The following RPA1 variants were observed in gnomAD, a reference collection of about 807,000 sequenced individuals.
The protein encoded by RPA1 is replication protein A1.
In RPA1, 49 loss-of-function variants were observed where a neutral mutation model predicts 83.0. The ratio of observed to expected loss-of-function variants is 0.59; its 90% CI spans 0.47 to 0.75. The LOEUF is 0.75. Among genes scored for constraint, RPA1 ranks in the 30% least tolerant of loss-of-function variants. The pLI, the probability that RPA1 is intolerant of heterozygous loss-of-function variation, is 0.00. For missense variants in RPA1, 693 were observed against 776.1 expected, an observed-to-expected ratio of 0.89 and a Z score of 1.27; for synonymous variants, 279 against 281.8, an observed-to-expected ratio of 0.99 and a Z score of 0.10.
In RPA1 at chr17:1,897,077, T is replaced by G. The variant is rs1471623602; in HGVS notation, c.1753T>G (p.Ser585Ala). The change falls in exon 17 of 17, where the codon TCT (serine) becomes GCT (alanine). Residue 585 changes from serine (S) to alanine (A), a missense_variant. Physicochemically the swap from Ser to Ala is moderately conservative, Grantham distance 99. Transcript: ENST00000254719. ...RVKVETYNDE[S>A]RIKATVMDVK... The stretch of plus-strand genomic sequence containing the variant: ...TACTTCTCCCTTTTTGAAGGACGAG[T>G]CTCGAATTAAGGCCACTGTGATGGA... The G allele has an allele frequency of 1.9e-6, 3 of 1,569,274 alleles. No individual in the cohort carries two copies. In the Admixed American group the frequency reaches 5.6e-5, roughly 29 times the overall value.
At chr17:1,856,227 C>T (rs987838330) in intron 5 of RPA1, among the ~76,000 whole-genome samples, 2 of 151,346 alleles carry the variant, frequency 1.3e-5, no homozygotes, top group African/African-American at 4.9e-5. Context: ...TACCTGAGCC[C>T]GGGAGGTGGA....
In RPA1 at chr17:1,858,470, C is replaced by CTT. The variant is rs71375561; in HGVS notation, c.361+5291_361+5292dup. On this transcript the variant is annotated intron_variant, in intron 5 of 16. Coordinates refer to ENST00000254719, the MANE Select transcript of RPA1 (RefSeq NM_002945.5). ...ATCTTGGGTTCTGGTCTCTCTTTTTCTTTTTTTTTTTGAGACAGAGTCTTG... is the reference window on the plus strand; with the variant it reads ...ATCTTGGGTTCTGGTCTCTCTTTTTCTTTTTTTTTTTTTGAGACAGAGTCTTG... 5,345 of 959,668 alleles carry CTT rather than the reference C, an allele frequency of 5.6e-3. 3 individuals are homozygous for CTT. The highest frequency in any genetic ancestry group is 0.04 in the East Asian group (1,479 of 36,742). The allele number at this position is 959,668 out of a possible 1,614,324, so 59.4% of individuals were successfully genotyped here. A position where few individuals can be genotyped will look rare whatever the true frequency, so the allele number is the denominator to read the frequency against.
intron 7 of RPA1, among the ~76,000 whole-genome samples, chr17:1,876,167 T>A (rs1319953381): frequency 6.6e-6 from 1 of 152,252 alleles, no homozygotes; most frequent in Non-Finnish European, 1.5e-5. Context: ...ACTTCGTCTT[T>A]GGTTTAGTTG....
At position 1,877,647 on chromosome 17, in the gene RPA1, A is replaced by G. The variant is rs17338836; in HGVS notation, c.690+333A>G. On this transcript the variant is annotated intron_variant, in intron 8 of 16. Transcript: ENST00000254719. ...AAAGTAGTTTTCTAAATATATAAGTAGCCTCCTGGGCAGGAGAAGCTGGAA... is the reference window on the plus strand; with the variant it reads ...AAAGTAGTTTTCTAAATATATAAGTGGCCTCCTGGGCAGGAGAAGCTGGAA... Among the ~76,000 whole-genome samples the G allele has an allele frequency of 5.9e-3, 899 of 152,310 alleles. 11 individuals carry two copies. The highest frequency in any genetic ancestry group is 0.021 in the African/African-American group (856 of 41,570).
rs866380463 is a variant in RPA1, at chr17:1,855,381, G to T, written c.361+2192G>T. ...TGTGTGTGTGTTTAGTAGAGACAGGGTTTTGCCATGTTGGCCAGGCTGGTC... is the reference window on the plus strand; with the variant it reads ...TGTGTGTGTGTTTAGTAGAGACAGGTTTTTGCCATGTTGGCCAGGCTGGTC... On this transcript the variant is annotated intron_variant, in intron 5 of 16. Transcript: ENST00000254719. Among the ~76,000 whole-genome samples the T allele has an allele frequency of 5.0e-4, 76 of 151,674 alleles. 2 individuals are homozygous for T. Among genetic ancestry groups the T allele is most frequent in the African/African-American group, 1.7e-3 (72 of 41,354 alleles).
chr17:1,861,757 A>G (rs2151279274), intron 5 of RPA1, among the ~76,000 whole-genome samples: 1 of 150,552 alleles, frequency 6.6e-6, no homozygotes, highest in African/African-American at 2.4e-5. Flanking sequence ...AGAGTCTCAC[A>G]CTGTCACCCA....
At chr17:1,845,551 A>G (rs186343978) in intron 4 of RPA1, among the ~76,000 whole-genome samples, 1 of 152,076 alleles carries the variant, frequency 6.6e-6, no homozygotes, top group African/African-American at 2.4e-5. Flanking sequence ...AAATAAATTT[A>G]AAAAAAGAAT....
At chr17:1,883,163 AT>A (rs1044564827) in intron 12 of RPA1, among the ~76,000 whole-genome samples, 4 of 151,664 alleles carry the variant, frequency 2.6e-5, no homozygotes, top group South Asian at 2.1e-4. Flanking sequence ...TCTTAAAAAA[AT>A]TTTTTTTTCG....
chr17:1,831,894 C>T (rs575954751), intron 1 of RPA1, among the ~76,000 whole-genome samples: 1,595 of 138,604 alleles, frequency 0.012, 19 homozygotes, highest in Non-Finnish European at 0.018. Context: ...CCACTGTGCC[C>T]GGCCTTTTTT....
intron 5 of RPA1, chr17:1,858,339 G>A (rs1237817844): frequency 6.2e-7 from 1 of 1,607,778 alleles, no homozygotes; most frequent in Non-Finnish European, 8.5e-7. Flanking sequence ...TGCCACGGTG[G>A]CAGATGGACA....
intron 4 of RPA1, among the ~76,000 whole-genome samples, chr17:1,849,831 A>G (rs981213438): frequency 2.0e-5 from 3 of 152,006 alleles, no homozygotes; most frequent in Non-Finnish European, 4.4e-5. Flanking sequence ...AATTCTTTCA[A>G]AGCTTTTACT....
intron 1 of RPA1, among the ~76,000 whole-genome samples, chr17:1,840,852 A>T (rs1328540610): frequency 1.3e-5 from 2 of 152,086 alleles, no homozygotes; most frequent in African/African-American, 2.4e-5. Flanking sequence ...AGATCACCAG[A>T]GGTCAGGAGT....
chr17:1,896,350 G>A (rs1914422082), intron 16 of RPA1, among the ~76,000 whole-genome samples: 1 of 152,214 alleles, frequency 6.6e-6, no homozygotes, highest in Admixed American at 6.5e-5. Flanking sequence ...GCCCGGAAAG[G>A]CACCATTCAG....
intron 5 of RPA1, among the ~76,000 whole-genome samples, chr17:1,853,408 C>T (rs1280958679): frequency 1.3e-5 from 2 of 152,126 alleles, no homozygotes. Context: ...GGGTTGGGTG[C>T]ACGGTGGCTC....
At chr17:1,847,405 A>G (rs1471490382) in intron 4 of RPA1, among the ~76,000 whole-genome samples, 5 of 151,766 alleles carry the variant, frequency 3.3e-5, no homozygotes, top group Non-Finnish European at 5.9e-5. Context: ...TTGCTGGGAA[A>G]CTTCACAGCC....
At chr17:1,880,400 C>G (rs1913744107) in intron 11 of RPA1, 143 bp from the exon 12 acceptor site, 1 of 768,658 alleles carries the variant, frequency 1.3e-6, no homozygotes. Flanking sequence ...AGTAGATTCT[C>G]ATGTGTGAGG....
chr17:1,830,081 T>TGGC lies in RPA1; in HGVS notation c.-10_-8dup. The TGGC allele has an allele frequency of 8.0e-7, 1 of 1,250,054 alleles. No homozygotes were observed. Among genetic ancestry groups the TGGC allele is most frequent in the South Asian group, 4.1e-5 (1 of 24,494 alleles). The allele number at this position is 1,250,054 out of a possible 1,614,324, so 77.4% of individuals were successfully genotyped here. A position where few individuals can be genotyped will look rare whatever the true frequency, so the allele number is the denominator to read the frequency against. On this transcript the variant is annotated 5_prime_UTR_variant, in exon 1 of 17. Transcript: ENST00000254719. ...TGTTGCGGGGTCCGCGGGGAAGTCTTGGCGGTGGAGCCATGGTCGGCCAAC... is the reference window on the plus strand; with the variant it reads ...TGTTGCGGGGTCCGCGGGGAAGTCTTGGCGGCGGTGGAGCCATGGTCGGCCAAC...
intron 5 of RPA1, among the ~76,000 whole-genome samples, chr17:1,870,532 A>G (rs994349702): frequency 6.6e-6 from 1 of 152,258 alleles, no homozygotes; most frequent in African/African-American, 2.4e-5. Flanking sequence ...CATTAAGTCC[A>G]TTAACGTTGG....
In RPA1 at chr17:1,891,915, C is replaced by T; in HGVS notation, c.1634C>T (p.Ala545Val). The T allele has an allele frequency of 6.2e-7, 1 of 1,606,668 alleles. No individual in the cohort carries two copies. Among genetic ancestry groups the T allele is most frequent in the Non-Finnish European group, 8.5e-7 (1 of 1,174,322 alleles). ...SAEAILGQNA[A>V]YLGELKDKNE... ...GAAGCTATCCTTGGACAAAATGCTG[C>T]TTATCTTGGGGAATTAAAAGACAAG... Residue 545 changes from alanine (A) to valine (V), a missense_variant, in exon 15 of 17, where the codon GCT (alanine) becomes GTT (valine). By Grantham distance (64) the Ala-to-Val change is moderately conservative. Transcript: ENST00000254719.
Sources: gnomAD v4.1 joint callset for allele counts (sites outside exome capture counted in the v4.1 genomes callset) on GRCh38, gnomAD v4.1.1 for gene constraint, MANE v1.5 for transcripts, NCBI Gene and HGNC (gene_info 2026-07-23, HGNC 2026-07-21) for gene names.